DLG2: variants seen among roughly 807,000 people sequenced by gnomAD.
DLG2 encodes discs large MAGUK scaffold protein 2.
DLG2 carries 45 observed loss-of-function variants against 132.5 expected under a neutral mutation model. The observed-to-expected ratio is 0.34, with a 90% CI of 0.27 to 0.44. The LOEUF is 0.44. Among genes scored for constraint, DLG2 ranks in the 20% least tolerant of loss-of-function variants. The pLI is 1.00. For synonymous variants in DLG2, 424 were observed against 419.6 expected, an observed-to-expected ratio of 1.01 and a Z score of -0.13; for missense variants, 1,045 against 1,196.9, an observed-to-expected ratio of 0.87 and a Z score of 1.87.
At chr11:84,148,545 A>G (rs1321409378) in intron 9 of DLG2, among the ~76,000 whole-genome samples, 1 of 152,128 alleles carries the variant, frequency 6.6e-6, no homozygotes, top group Non-Finnish European at 1.5e-5. Context: ...TGTTGCCACA[A>G]AGGATATGGT....
intron 3 of DLG2, among the ~76,000 whole-genome samples, chr11:85,521,931 C>A (rs563750294): frequency 1.3e-5 from 2 of 151,660 alleles, no homozygotes; most frequent in Admixed American, 6.6e-5. Flanking sequence ...TGCAGCCCAA[C>A]GTGACAGAAA....
At chr11:83,943,980 T>C (rs2083250020) in intron 14 of DLG2, among the ~76,000 whole-genome samples, 1 of 152,192 alleles carries the variant, frequency 6.6e-6, no homozygotes. Flanking sequence ...ACGCAAAGCC[T>C]TCACAAATCA....
chr11:84,575,357 T>C (rs568561207), intron 6 of DLG2, among the ~76,000 whole-genome samples: 25 of 152,124 alleles, frequency 1.6e-4, no homozygotes, highest in Non-Finnish European at 3.4e-4. Flanking sequence ...TCACACATTC[T>C]CCACCCCTCC....
At chr11:85,308,359 G>GTGCC (rs1054014191) in intron 3 of DLG2, among the ~76,000 whole-genome samples, 1 of 151,136 alleles carries the variant, frequency 6.6e-6, no homozygotes, top group African/African-American at 2.4e-5. Flanking sequence ...TTCCTGCAAT[G>GTGCC]TGCCCAGGAT....
intron 7 of DLG2, among the ~76,000 whole-genome samples, chr11:84,509,196 C>G (rs2099250541): frequency 6.6e-6 from 1 of 152,134 alleles, no homozygotes; most frequent in Non-Finnish European, 1.5e-5. Context: ...AAACTGTGAC[C>G]TTGCATAAAG....
At chr11:83,786,865 C>T in intron 17 of DLG2, 73 bp from the exon 18 acceptor site, 1 of 1,284,658 alleles carries the variant, frequency 7.8e-7, no homozygotes, top group South Asian at 1.2e-5. Flanking sequence ...AAAAGTTTCC[C>T]AAAACCAGGC....
intron 6 of DLG2, among the ~76,000 whole-genome samples, chr11:84,875,531 C>T (rs1478589451): frequency 6.6e-6 from 1 of 151,508 alleles, no homozygotes; most frequent in African/African-American, 2.4e-5. Flanking sequence ...GATGATTCTT[C>T]ATCAACTATG....
At chr11:84,706,152 G>A (rs1353134091) in intron 6 of DLG2, among the ~76,000 whole-genome samples, 2 of 151,752 alleles carry the variant, frequency 1.3e-5, no homozygotes, top group Non-Finnish European at 2.9e-5. Flanking sequence ...CTTGGATAGC[G>A]TCCATACCAT....
At chr11:85,040,642 C>T (rs1265701025) in intron 6 of DLG2, among the ~76,000 whole-genome samples, 1 of 151,894 alleles carries the variant, frequency 6.6e-6, no homozygotes, top group Non-Finnish European at 1.5e-5. Context: ...TTACAGACAC[C>T]ATCAATCTTG....
At chr11:84,462,232 C>A (rs185863869) in intron 7 of DLG2, among the ~76,000 whole-genome samples, 1 of 151,116 alleles carries the variant, frequency 6.6e-6, no homozygotes, top group Admixed American at 6.6e-5. Flanking sequence ...CCCAAGCAGT[C>A]AGGGACTTTA....
intron 9 of DLG2, among the ~76,000 whole-genome samples, chr11:84,106,429 C>A (rs2092918167): frequency 6.6e-6 from 1 of 152,050 alleles, no homozygotes; most frequent in African/African-American, 2.4e-5. Context: ...ACTACCATTG[C>A]TAAATAGAGA....
In DLG2 at chr11:84,165,060, T is replaced by G. The variant is rs2095631059; in HGVS notation, c.574-1549A>C. ...TGTATGTTTCCATATGAATGATTTT[T>G]AAAATAATTTTCTTTGATGGATAGG... On this transcript the variant is annotated intron_variant, in intron 8 of 27. Transcript: ENST00000376104. Among the ~76,000 whole-genome samples the G allele has an allele frequency of 2.0e-5, 3 of 152,294 alleles. No individual in the cohort carries two copies. The South Asian group carries it at 6.2e-4, about 32-fold the overall frequency.
chr11:84,507,898 T>C (rs907435160), intron 7 of DLG2, among the ~76,000 whole-genome samples: 3 of 152,214 alleles, frequency 2.0e-5, no homozygotes, highest in African/African-American at 4.8e-5. Context: ...TGTTGCATCC[T>C]TTAAAATAAT....
At chr11:84,928,819 A>T (rs1329151586) in intron 6 of DLG2, among the ~76,000 whole-genome samples, 2 of 151,304 alleles carry the variant, frequency 1.3e-5, no homozygotes, top group East Asian at 3.9e-4. Context: ...CCCTAAAGTC[A>T]TAAGATAATG....
chr11:84,350,515 A>G (rs1368662879), intron 7 of DLG2, among the ~76,000 whole-genome samples: 1 of 152,208 alleles, frequency 6.6e-6, no homozygotes, highest in Non-Finnish European at 1.5e-5. Context: ...CCTTCAGCTA[A>G]CCACCATGAA....
At chr11:85,470,366 T>G (rs2092945399) in intron 3 of DLG2, among the ~76,000 whole-genome samples, 1 of 151,886 alleles carries the variant, frequency 6.6e-6, no homozygotes. Flanking sequence ...CCACAAAGGA[T>G]TTGCACAGTT....
chr11:85,059,735 G>A (rs1248946948), intron 6 of DLG2, among the ~76,000 whole-genome samples: 5 of 151,572 alleles, frequency 3.3e-5, no homozygotes, highest in Admixed American at 2.6e-4. Flanking sequence ...AAAAGTCAGA[G>A]GAGTGGTTAT....
intron 7 of DLG2, among the ~76,000 whole-genome samples, chr11:84,257,683 T>C (rs1444740354): frequency 7.1e-6 from 1 of 140,760 alleles, no homozygotes; most frequent in Non-Finnish European, 1.5e-5. Context: ...CTCTGGATTT[T>C]TTTTTTTTTT....
At chr11:84,620,133 T>G (rs548652104) in intron 6 of DLG2, among the ~76,000 whole-genome samples, 1 of 151,582 alleles carries the variant, frequency 6.6e-6, no homozygotes, top group South Asian at 2.1e-4. Flanking sequence ...ATAAACAAGA[T>G]GACCATGAAA....
Sources: gnomAD v4.1 joint callset for allele counts (sites outside exome capture counted in the v4.1 genomes callset) on GRCh38, gnomAD v4.1.1 for gene constraint, MANE v1.5 for transcripts, NCBI Gene and HGNC (gene_info 2026-07-23, HGNC 2026-07-21) for gene names.